The following DUSP16 variants were observed in gnomAD, a reference collection of about 807,000 sequenced individuals.
DUSP16 encodes dual specificity phosphatase 16.
In DUSP16, 21 loss-of-function variants were observed where a neutral mutation model predicts 58.3. The observed-to-expected ratio is 0.36, with a 90% CI of 0.26 to 0.52. DUSP16 has a LOEUF of 0.52. DUSP16 is among the 20% of genes least tolerant of loss of function. The probability of loss-of-function intolerance (pLI) is 0.94; values close to 1 mark genes in which losing one functional copy is unlikely to be tolerated. For missense variants in DUSP16, 726 were observed against 819.0 expected, an observed-to-expected ratio of 0.89 and a Z score of 1.39; for synonymous variants, 320 against 323.8, an observed-to-expected ratio of 0.99 and a Z score of 0.12.
chr12:12,495,723 A>G (rs913917733), intron 4 of DUSP16, among the ~76,000 whole-genome samples: 1 of 152,252 alleles, frequency 6.6e-6, no homozygotes, highest in African/African-American at 2.4e-5. Context: ...TCAATTCTAG[A>G]TAAAAGAATT....
chr12:12,487,311 TC>T, intron 4 of DUSP16, 124 bp from the exon 5 acceptor site: 1 of 1,112,314 alleles, frequency 9.0e-7, no homozygotes, highest in South Asian at 1.8e-5. Flanking sequence ...TTCATTCAGA[TC>T]AGTGAAGTCC....
intron 1 of DUSP16, among the ~76,000 whole-genome samples, chr12:12,534,026 G>T (rs1340140940): frequency 6.6e-6 from 1 of 152,198 alleles, no homozygotes; most frequent in Non-Finnish European, 1.5e-5. Context: ...ACTAAAACGG[G>T]TAACTCTGGG....
In DUSP16 at chr12:12,477,779, CCTG is replaced by C; in HGVS notation, c.1049_1051del (p.Ala350del). On this transcript the variant is annotated inframe_deletion, in exon 7 of 7. Coordinates refer to ENST00000298573, the MANE Select transcript of DUSP16 (RefSeq NM_030640.3). The surrounding 1 kb of genome is among the most constrained non-coding windows in gnomAD (Gnocchi z 4.1). ...GCTGGCGGGATGCACGGGCCTTTGT[CCTG>C]CTGCCTCTGAGGTAGCAGAGTCGGC... The C allele has an allele frequency of 6.2e-7, 1 of 1,613,976 alleles. No homozygotes were observed. The highest frequency in any genetic ancestry group is 8.5e-7 in the Non-Finnish European group (1 of 1,179,984).
At chr12:12,511,757 C>T (rs1447276586) in intron 3 of DUSP16, among the ~76,000 whole-genome samples, 1 of 151,950 alleles carries the variant, frequency 6.6e-6, no homozygotes, top group Non-Finnish European at 1.5e-5. Flanking sequence ...TTTGCTTTTC[C>T]AATATCTTCA....
At chr12:12,481,275 ATC>A (rs759418618) in intron 5 of DUSP16, among the ~76,000 whole-genome samples, 4 of 152,206 alleles carry the variant, frequency 2.6e-5, no homozygotes, top group Non-Finnish European at 5.9e-5. Context: ...CAGTGCTGCC[ATC>A]TCTCACTGCT....
chr12:12,480,452 C>G, intron 5 of DUSP16, 106 bp from the exon 6 acceptor site: 2 of 1,329,896 alleles, frequency 1.5e-6, no homozygotes, highest in Non-Finnish European at 2.1e-6. Flanking sequence ...AACCTCTACG[C>G]AAATCTCATC....
rs927705099 is a variant in DUSP16, at chr12:12,474,649, A to C, written c.*2184T>G. The C allele has an allele frequency of 8.5e-6, 1 of 117,182 alleles. No homozygotes were observed. Among genetic ancestry groups the C allele is most frequent in the Middle Eastern group, 3.8e-3 (1 of 266 alleles). 7.3% of individuals were successfully genotyped at this position (117,182 alleles called of 1,614,324 possible). ...GCACTAAAGGCTGTAGGATGTGACT[A>C]CATCACAGTTCCAGAAGGAAGGGGG... On this transcript the variant is annotated 3_prime_UTR_variant, in exon 7 of 7. Coordinates refer to ENST00000298573, the MANE Select transcript of DUSP16 (RefSeq NM_030640.3).
chr12:12,483,691 A>C (rs1248274444), intron 5 of DUSP16, among the ~76,000 whole-genome samples: 2 of 152,138 alleles, frequency 1.3e-5, no homozygotes, highest in African/African-American at 4.8e-5. Flanking sequence ...AAGAGGCTGT[A>C]TATGTAGCCA....
chr12:12,546,357 T>C (rs1216157063), intron 1 of DUSP16, among the ~76,000 whole-genome samples: 1 of 152,206 alleles, frequency 6.6e-6, no homozygotes, highest in Non-Finnish European at 1.5e-5. Context: ...AGATAATATT[T>C]TGCAATGAAA....
At chr12:12,541,231 T>C (rs910581030) in intron 1 of DUSP16, among the ~76,000 whole-genome samples, 1 of 152,112 alleles carries the variant, frequency 6.6e-6, no homozygotes, top group Non-Finnish European at 1.5e-5. Flanking sequence ...AGTCCTGGGA[T>C]TATGGGCGTG....
rs1943365629 is a variant in DUSP16, at chr12:12,473,949, A to G, written c.*2884T>C. Among the ~76,000 whole-genome samples, 1 of 152,230 alleles carries G rather than the reference A, an allele frequency of 6.6e-6. No individual in the cohort carries two copies. Among genetic ancestry groups the G allele is most frequent in the Non-Finnish European group, 1.5e-5 (1 of 68,050 alleles). On this transcript the variant is annotated 3_prime_UTR_variant, in exon 7 of 7. Coordinates refer to ENST00000298573, the MANE Select transcript of DUSP16 (RefSeq NM_030640.3). ...TGTTCTGGAATCAGTCAGCTAGAAA[A>G]TATTTACCAAGTGTCTTAGGCTTTT...
chr12:12,535,531 A>G (rs1944451800), intron 1 of DUSP16, among the ~76,000 whole-genome samples: 1 of 152,146 alleles, frequency 6.6e-6, no homozygotes, highest in Non-Finnish European at 1.5e-5. Context: ...CATTACCTGC[A>G]GCAGCAACAA....
chr12:12,539,960 CAGG>C (rs1425574913), intron 1 of DUSP16, among the ~76,000 whole-genome samples: 1 of 151,806 alleles, frequency 6.6e-6, no homozygotes, highest in Non-Finnish European at 1.5e-5. Context: ...GAGGCTGAAG[CAGG>C]AGAATCACTT....
At chr12:12,508,334 A>G (rs1318250152) in intron 3 of DUSP16, among the ~76,000 whole-genome samples, 1 of 151,372 alleles carries the variant, frequency 6.6e-6, no homozygotes, top group East Asian at 1.9e-4. Context: ...AAAGAAAAGA[A>G]AAAAAAAAGC....
chr12:12,522,160 C>T (rs1944247649), intron 1 of DUSP16, among the ~76,000 whole-genome samples: 1 of 152,248 alleles, frequency 6.6e-6, no homozygotes, highest in African/African-American at 2.4e-5. Context: ...AGTGCTGAAG[C>T]TCACAGCCAT....
chr12:12,542,058 A>G (rs927481043), intron 1 of DUSP16, among the ~76,000 whole-genome samples: 1 of 152,216 alleles, frequency 6.6e-6, no homozygotes, highest in Non-Finnish European at 1.5e-5. Context: ...CAAAGACCAC[A>G]TATTATATGA....
chr12:12,484,255 T>G (rs61913550), intron 5 of DUSP16, among the ~76,000 whole-genome samples: 1 of 152,196 alleles, frequency 6.6e-6, no homozygotes, highest in Non-Finnish European at 1.5e-5. Context: ...ATGGCTCTAA[T>G]AGAACCAAGC....
chr12:12,500,775 G>A (rs1943897061), intron 3 of DUSP16, 93 bp from the exon 4 acceptor site: 13 of 1,164,860 alleles, frequency 1.1e-5, no homozygotes, highest in South Asian at 3.8e-5. Context: ...TTAAACCCAC[G>A]AATCCAAGTG....
intron 3 of DUSP16, among the ~76,000 whole-genome samples, chr12:12,507,120 T>C (rs1178352916): frequency 1.3e-5 from 2 of 152,236 alleles, no homozygotes; most frequent in African/African-American, 4.8e-5. Flanking sequence ...GTCACTCTTT[T>C]CTCTTCCCTC....
Sources: gnomAD v4.1 joint callset for allele counts (sites outside exome capture counted in the v4.1 genomes callset) on GRCh38, gnomAD v4.1.1 for gene constraint, Gnocchi (gnomAD v3.1) non-coding constraint, MANE v1.5 for transcripts, NCBI Gene and HGNC (gene_info 2026-07-23, HGNC 2026-07-21) for gene names.